NRXN1: variants seen among roughly 807,000 people sequenced by gnomAD.
NRXN1 encodes neurexin 1.
In NRXN1, 39 loss-of-function variants were observed where a neutral mutation model predicts 150.9. That is an observed-to-expected ratio of 0.26 (90% CI 0.20 to 0.34). The LOEUF is 0.34. Ranked by LOEUF, NRXN1 falls within the 10% of genes least tolerant of loss-of-function variation. NRXN1 has a pLI of 1.00. For missense variants in NRXN1, 1,815 were observed against 1,949.9 expected (o/e 0.93, Z 1.30); for synonymous variants, 924 against 757.0 (o/e 1.22, Z -3.62).
At chr2:50,679,308 C>T (rs940493235) in intron 5 of NRXN1, among the ~76,000 whole-genome samples, 1 of 152,040 alleles carries the variant, frequency 6.6e-6, no homozygotes, top group African/African-American at 2.4e-5. Flanking sequence ...GAGGTCCTCC[C>T]TTATTTTGAT....
At chr2:50,277,598 G>A (rs963712979) in intron 17 of NRXN1, among the ~76,000 whole-genome samples, 2 of 150,722 alleles carry the variant, frequency 1.3e-5, no homozygotes, top group African/African-American at 4.9e-5. Context: ...AGGAGTCAGT[G>A]TCTAGACCAT....
intron 5 of NRXN1, among the ~76,000 whole-genome samples, chr2:50,673,434 G>C (rs189794968): frequency 8.9e-4 from 136 of 152,102 alleles, no homozygotes; most frequent in South Asian, 2.3e-3. Flanking sequence ...TATTTAAATT[G>C]CTTAATTTTT....
At chr2:50,109,376 C>A (rs947001843) in intron 18 of NRXN1, among the ~76,000 whole-genome samples, 1 of 151,924 alleles carries the variant, frequency 6.6e-6, no homozygotes, top group Admixed American at 6.6e-5. Context: ...TTCTATATTG[C>A]AATATATTTT....
chr2:50,066,333 G>T (rs1054916423), intron 19 of NRXN1, among the ~76,000 whole-genome samples: 1 of 152,114 alleles, frequency 6.6e-6, no homozygotes, highest in Non-Finnish European at 1.5e-5. Context: ...AAAAATAAAA[G>T]ATTTAAGTAA....
At chr2:49,938,985 T>G (rs1671511551) in intron 22 of NRXN1, among the ~76,000 whole-genome samples, 1 of 152,188 alleles carries the variant, frequency 6.6e-6, no homozygotes, top group African/African-American at 2.4e-5. Context: ...ATTTACTAAG[T>G]GGATCTAAAA....
At chr2:50,283,678 T>C (rs916032156) in intron 17 of NRXN1, among the ~76,000 whole-genome samples, 3 of 152,168 alleles carry the variant, frequency 2.0e-5, no homozygotes. Context: ...AGTTTTTCCT[T>C]TTCTACTGCA....
intron 2 of NRXN1, among the ~76,000 whole-genome samples, chr2:51,014,968 T>C (rs908369830): frequency 2.6e-5 from 4 of 152,076 alleles, no homozygotes; most frequent in African/African-American, 9.7e-5. Context: ...TGATTATATT[T>C]TCTGTAGGTT....
At chr2:50,834,416 G>A (rs1671823379) in intron 5 of NRXN1, among the ~76,000 whole-genome samples, 1 of 152,212 alleles carries the variant, frequency 6.6e-6, no homozygotes, top group South Asian at 2.1e-4. Context: ...TTTTTGAGGG[G>A]TTGAAAACAA....
chr2:49,992,140 A>G (rs2152521655), intron 21 of NRXN1, among the ~76,000 whole-genome samples: 1 of 152,322 alleles, frequency 6.6e-6, no homozygotes, highest in East Asian at 1.9e-4. Context: ...ACGACACAGG[A>G]GAAAAACCTA....
intron 17 of NRXN1, among the ~76,000 whole-genome samples, chr2:50,401,013 A>G (rs1007553686): frequency 1.3e-5 from 2 of 152,156 alleles, no homozygotes; most frequent in Non-Finnish European, 2.9e-5. Flanking sequence ...TGCCCACTCT[A>G]ATAATGAAAT....
intron 16 of NRXN1, among the ~76,000 whole-genome samples, chr2:50,466,877 G>T (rs898020031): frequency 6.6e-6 from 1 of 151,748 alleles, no homozygotes; most frequent in Non-Finnish European, 1.5e-5. Context: ...TGTAGACTAT[G>T]ATCAGTAGCA....
intron 2 of NRXN1, among the ~76,000 whole-genome samples, chr2:50,990,198 G>C (rs540754723): frequency 6.6e-6 from 1 of 151,806 alleles, no homozygotes; most frequent in Non-Finnish European, 1.5e-5. Flanking sequence ...GTGTATTTAG[G>C]ATAGGCATGT....
intron 9 of NRXN1, among the ~76,000 whole-genome samples, chr2:50,549,716 A>C (rs1200756782): frequency 6.6e-6 from 1 of 152,224 alleles, no homozygotes; most frequent in Non-Finnish European, 1.5e-5. Flanking sequence ...AATTTGGATG[A>C]ATTAAAGAGC....
intron 18 of NRXN1, among the ~76,000 whole-genome samples, chr2:50,153,202 G>A (rs1410701713): frequency 2.6e-5 from 4 of 151,360 alleles, no homozygotes; most frequent in Non-Finnish European, 4.4e-5. Flanking sequence ...GATTTTCTAC[G>A]TCTTTGTTGC....
chr2:50,594,202 T>A (rs1674771014), intron 8 of NRXN1, among the ~76,000 whole-genome samples: 2 of 152,210 alleles, frequency 1.3e-5, no homozygotes, highest in African/African-American at 4.8e-5. Context: ...AACAGACTAT[T>A]ACAGATATAA....
At chr2:49,925,690 T>A (rs964437684) in intron 22 of NRXN1, among the ~76,000 whole-genome samples, 4 of 152,134 alleles carry the variant, frequency 2.6e-5, no homozygotes, top group African/African-American at 7.2e-5. Context: ...ATTAAAGCAA[T>A]CTGCAACATG....
At chr2:50,988,843 T>C (rs1055561057) in intron 2 of NRXN1, among the ~76,000 whole-genome samples, 1 of 151,904 alleles carries the variant, frequency 6.6e-6, no homozygotes, top group Non-Finnish European at 1.5e-5. Flanking sequence ...TCAGTTTTCC[T>C]TTATGCAAAA....
intron 8 of NRXN1, among the ~76,000 whole-genome samples, chr2:50,609,757 A>G (rs559999233): frequency 6.6e-6 from 1 of 152,288 alleles, no homozygotes; most frequent in South Asian, 2.1e-4. Context: ...AAATACGTCC[A>G]TATTTCAAGG....
chr2:50,151,123 G>T (rs568810509), intron 18 of NRXN1, among the ~76,000 whole-genome samples: 1 of 151,842 alleles, frequency 6.6e-6, no homozygotes, highest in East Asian at 1.9e-4. Context: ...CAAGCTGAGA[G>T]AGGCAAAGAG....
Sources: allele counts gnomAD v4.1 joint callset (sites outside exome capture counted in the v4.1 genomes callset), GRCh38; gene constraint gnomAD v4.1.1; transcripts MANE v1.5; gene names NCBI Gene and HGNC (gene_info 2026-07-23, HGNC 2026-07-21).